The following ERBB4 variants were observed in gnomAD, a reference collection of about 807,000 sequenced individuals.
The protein encoded by ERBB4 is receptor tyrosine-protein kinase erbB-4.
A neutral mutation model predicts 158.0 loss-of-function variants in ERBB4; 42 were observed. That is an observed-to-expected ratio of 0.27 (90% confidence interval 0.21 to 0.34). The LOEUF (loss-of-function observed/expected upper bound fraction) is 0.34. Among genes scored for constraint, ERBB4 ranks in the 10% least tolerant of loss-of-function variants. The probability of loss-of-function intolerance (pLI) is 1.00; values close to 1 mark genes in which losing one functional copy is unlikely to be tolerated. For synonymous variants in ERBB4, 583 were observed against 558.7 expected, an observed-to-expected ratio of 1.04 and a Z score of -0.61; for missense variants, 1,333 against 1,624.1, an observed-to-expected ratio of 0.82 and a Z score of 3.08.
intron 2 of ERBB4, among the ~76,000 whole-genome samples, chr2:212,110,395 C>T (rs1467004441): frequency 1.1e-4 from 16 of 152,216 alleles, no homozygotes; most frequent in African/African-American, 3.6e-4. Flanking sequence ...TTTATTTGCA[C>T]CACATGTTAG....
chr2:211,951,808 G>T (rs2080882530), intron 2 of ERBB4, among the ~76,000 whole-genome samples: 1 of 152,006 alleles, frequency 6.6e-6, no homozygotes, highest in South Asian at 2.1e-4. Context: ...CTAAGCATTA[G>T]CCTAACAAAT....
chr2:212,088,588 A>C (rs1308460923), intron 2 of ERBB4, among the ~76,000 whole-genome samples: 1 of 152,092 alleles, frequency 6.6e-6, no homozygotes, highest in Non-Finnish European at 1.5e-5. Context: ...GGTAGCAGCT[A>C]AGAGTCTCAG....
rs370549441 is a variant in ERBB4, at chr2:212,350,826, T to C, written c.82+187623A>G. Reference sequence around the variant, plus strand: ...GTAAAATAATAAAAAAAATGCACATTGTCAAGACTTGCAATAAGGCTGACT... The same window carrying C: ...GTAAAATAATAAAAAAAATGCACATCGTCAAGACTTGCAATAAGGCTGACT... On this transcript the variant is annotated intron_variant, in intron 1 of 27. Coordinates refer to ENST00000342788, the MANE Select transcript of ERBB4 (RefSeq NM_005235.3). Among the ~76,000 whole-genome samples, 85 of 152,254 alleles carry C rather than the reference T, an allele frequency of 5.6e-4. No individual in the cohort carries two copies. The Middle Eastern group carries it at 0.017, about 30-fold the overall frequency.
intron 1 of ERBB4, among the ~76,000 whole-genome samples, chr2:212,154,614 G>A (rs748412205): frequency 1.3e-5 from 2 of 151,908 alleles, no homozygotes; most frequent in East Asian, 1.9e-4. Flanking sequence ...TTGATATGCC[G>A]CCTGTCTCTT....
chr2:211,659,673 T>C (rs1047187403), intron 15 of ERBB4, among the ~76,000 whole-genome samples: 1 of 152,018 alleles, frequency 6.6e-6, no homozygotes, highest in Non-Finnish European at 1.5e-5. Flanking sequence ...GGGAAAAGTG[T>C]GAATATGAAA....
intron 1 of ERBB4, among the ~76,000 whole-genome samples, chr2:212,176,182 T>C (rs1020957032): frequency 1.3e-5 from 2 of 152,016 alleles, no homozygotes; most frequent in African/African-American, 4.8e-5. Context: ...TTGCATTCTA[T>C]GCTTTGGTTT....
chr2:212,086,308 GT>G (rs1559471073), intron 2 of ERBB4, among the ~76,000 whole-genome samples: 1 of 149,990 alleles, frequency 6.7e-6, no homozygotes, highest in Admixed American at 6.7e-5. Flanking sequence ...TATTCAGATG[GT>G]CTTTATATTT....
At chr2:212,346,004 A>G (rs1050151363) in intron 1 of ERBB4, among the ~76,000 whole-genome samples, 2 of 152,214 alleles carry the variant, frequency 1.3e-5, no homozygotes, top group African/African-American at 4.8e-5. Flanking sequence ...TTTAAAATGC[A>G]TATTCTATCA....
intron 1 of ERBB4, among the ~76,000 whole-genome samples, chr2:212,281,425 A>G (rs899665595): frequency 6.6e-6 from 1 of 151,792 alleles, no homozygotes; most frequent in African/African-American, 2.4e-5. Flanking sequence ...CCCCAGTCAC[A>G]TATGGATATT....
intron 25 of ERBB4, among the ~76,000 whole-genome samples, chr2:211,392,798 G>A (rs1158083950): frequency 6.6e-6 from 1 of 152,062 alleles, no homozygotes; most frequent in East Asian, 1.9e-4. Context: ...CTCCCGAGTA[G>A]CTGGGATTGC....
At chr2:212,178,982 A>T (rs2081766613) in intron 1 of ERBB4, among the ~76,000 whole-genome samples, 1 of 151,740 alleles carries the variant, frequency 6.6e-6, no homozygotes. Context: ...AATGGCTAGA[A>T]ATACCACAAT....
intron 1 of ERBB4, among the ~76,000 whole-genome samples, chr2:212,167,793 C>G (rs2081392429): frequency 6.6e-6 from 1 of 152,104 alleles, no homozygotes; most frequent in African/African-American, 2.4e-5. Flanking sequence ...TTTGCAGGGA[C>G]ATGAATGAAG....
chr2:211,539,810 T>C (rs2125680399), intron 20 of ERBB4, among the ~76,000 whole-genome samples: 1 of 152,150 alleles, frequency 6.6e-6, no homozygotes, highest in African/African-American at 2.4e-5. Flanking sequence ...GTATCACGTC[T>C]TAATGTTCCT....
chr2:211,466,721 T>C (rs2064700256), intron 20 of ERBB4, among the ~76,000 whole-genome samples: 1 of 152,134 alleles, frequency 6.6e-6, no homozygotes, highest in Non-Finnish European at 1.5e-5. Context: ...CAGACCTTTT[T>C]TAAAAAGAAA....
chr2:212,317,807 A>G (rs1237687276), intron 1 of ERBB4, among the ~76,000 whole-genome samples: 1 of 149,448 alleles, frequency 6.7e-6, no homozygotes, highest in African/African-American at 2.4e-5. Flanking sequence ...TTTTCTGTTT[A>G]GTTTCTTCCT....
At chr2:212,323,591 A>T (rs779436521) in intron 1 of ERBB4, among the ~76,000 whole-genome samples, 10 of 150,610 alleles carry the variant, frequency 6.6e-5, no homozygotes, top group Admixed American at 2.0e-4. Flanking sequence ...ATAATATAAC[A>T]TAATAATGAC....
chr2:212,303,245 A>G (rs1249959067), intron 1 of ERBB4, among the ~76,000 whole-genome samples: 3 of 151,406 alleles, frequency 2.0e-5, no homozygotes, highest in African/African-American at 7.3e-5. Context: ...TCAGTGCTTA[A>G]TGGATTAGGG....
At chr2:211,681,644 T>C (rs2072337717) in intron 12 of ERBB4, among the ~76,000 whole-genome samples, 1 of 152,202 alleles carries the variant, frequency 6.6e-6, no homozygotes, top group Non-Finnish European at 1.5e-5. Context: ...TTAATGTGTT[T>C]ATTTTTACAT....
At chr2:211,476,748 A>G (rs1195532638) in intron 20 of ERBB4, among the ~76,000 whole-genome samples, 2 of 152,120 alleles carry the variant, frequency 1.3e-5, no homozygotes, top group African/African-American at 4.8e-5. Context: ...ATACAAAACA[A>G]AAGAAAAACC....
Sources: gnomAD v4.1 joint callset for allele counts (sites outside exome capture counted in the v4.1 genomes callset) on GRCh38, gnomAD v4.1.1 for gene constraint, MANE v1.5 for transcripts, NCBI Gene and HGNC (gene_info 2026-07-23, HGNC 2026-07-21) for gene names.